The following KLHDC7B variants were observed in gnomAD, a reference collection of about 807,000 sequenced individuals.
KLHDC7B encodes the protein kelch domain-containing protein 7B.
KLHDC7B carries 1 observed loss-of-function variant against 0.6 expected under a neutral mutation model. The observed-to-expected ratio is 1.71, with a 90% CI of 0.61 to 8.11. The LOEUF is 8.11. Ranked by LOEUF, KLHDC7B falls within the 30% of genes most tolerant of loss-of-function variation. KLHDC7B has a pLI of 0.13. For synonymous variants in KLHDC7B, 462 were observed against 405.2 expected (o/e 1.14, Z -1.68); for missense variants, 993 against 894.9 (o/e 1.11, Z -1.40).
chr22:50,547,519 C>A lies in KLHDC7B; in HGVS notation c.1276C>A (p.Pro426Thr), dbSNP rs2069745075. ...RPRSASPPAA[P>T]GPGFPPEALT... Reference sequence around the variant, plus strand: ...GCGCTCCGCCTCCCCGCCCGCAGCTCCCGGCCCGGGGTTCCCACCTGAAGC... The same window carrying A: ...GCGCTCCGCCTCCCCGCCCGCAGCTACCGGCCCGGGGTTCCCACCTGAAGC... The change falls in exon 1 of 1, where the codon CCC becomes ACC. Residue 426 changes from proline (P) to threonine (T), a missense_variant. Pro to Thr is a conservative substitution (Grantham distance 38). Coordinates refer to ENST00000648057, the MANE Select transcript of KLHDC7B (RefSeq NM_138433.5). 15 of 397,980 alleles carry A rather than the reference C, an allele frequency of 3.8e-5. No individual in the cohort carries two copies. The highest frequency in any genetic ancestry group is 4.4e-6 in the Non-Finnish European group (1 of 225,764). The allele number at this position is 397,980 out of a possible 1,614,324, so 24.7% of individuals were successfully genotyped here. A position where few individuals can be genotyped will look rare whatever the true frequency, so the allele number is the denominator to read the frequency against.
rs12166676 is a variant in KLHDC7B at position 50,546,032 on chromosome 22, G to T, written c.-212G>T. Among the ~76,000 whole-genome samples, 11 of 152,116 alleles carry T rather than the reference G, an allele frequency of 7.2e-5. No homozygotes were observed. The highest frequency in any genetic ancestry group is 2.1e-4 in the South Asian group (1 of 4,828). ...ACCCTGGGCTCCTATCCTGCCATAAGCCTCGCTGTCTCCTGATATCTGCAG... is the reference window on the plus strand; with the variant it reads ...ACCCTGGGCTCCTATCCTGCCATAATCCTCGCTGTCTCCTGATATCTGCAG... On this transcript the variant is annotated 5_prime_UTR_variant, in exon 1 of 1. Coordinates refer to ENST00000648057, the MANE Select transcript of KLHDC7B (RefSeq NM_138433.5).
Position 50,549,624 on chromosome 22 carries a change from C to A in KLHDC7B, c.3381C>A (p.Ser1127Arg), listed in dbSNP as rs763221894. Residue 1127 changes from serine to arginine, a missense_variant, in exon 1 of 1, where the codon AGC becomes AGA. Transcript: ENST00000648057. Reference sequence around the variant, plus strand: ...ACAGTGCCAGCCACCGGCGTTCCAGCGACATCGTGGCACTGGGGGGCTTCC... The same window carrying A: ...ACAGTGCCAGCCACCGGCGTTCCAGAGACATCGTGGCACTGGGGGGCTTCC... ...CPYSASHRRS[S>R]DIVALGGFLY... 5.7e-5 allele frequency: 89 copies of A among 1,556,710 alleles called. No homozygotes were observed. Among genetic ancestry groups the A allele is most frequent in the Non-Finnish European group, 7.5e-5 (86 of 1,148,118 alleles).
At position 50,550,200 on chromosome 22, in the gene KLHDC7B, C is replaced by G. The variant is rs2069792283; in HGVS notation, c.*249C>G. 6.5e-6 allele frequency: 3 copies of G among 464,784 alleles called. No individual in the cohort carries two copies. The East Asian group carries it at 1.0e-4, about 16-fold the overall frequency. 28.8% of individuals were successfully genotyped at this position (464,784 alleles called of 1,614,324 possible). A position where few individuals can be genotyped will look rare whatever the true frequency, so the allele number is the denominator to read the frequency against. ...AATTCCGTACCTACTTACAGACCCT[C>G]TCAGCTTGCTGACACCCCCCTGTCT... On this transcript the variant is annotated 3_prime_UTR_variant, in exon 1 of 1. Transcript: ENST00000648057.
In KLHDC7B at chr22:50,549,879, G is replaced by A. The variant is rs1256095130; in HGVS notation, c.3636G>A (p.Leu1212=). Residue 1212 remains leucine, a synonymous_variant, in exon 1 of 1, where the codon TTG becomes TTA. Transcript: ENST00000648057. ...CCAAGGAGCTGCAGCCCTTCCCCTT[G>A]GGGAGCACCGGGGTCCTCAGTCCAT... The part of the protein sequence containing the change: ...FQAKELQPFP[L]GSTGVLSPFI... 1.9e-6 allele frequency: 3 copies of A among 1,587,020 alleles called. No homozygotes were observed. The highest frequency in any genetic ancestry group is 2.3e-5 in the East Asian group (1 of 43,602).
At position 50,549,004 on chromosome 22, in the gene KLHDC7B, C is replaced by A; in HGVS notation, c.2761C>A (p.Arg921=). 1 of 1,596,550 alleles carries A rather than the reference C, an allele frequency of 6.3e-7. No homozygotes were observed. Among genetic ancestry groups the A allele is most frequent in the Non-Finnish European group, 8.5e-7 (1 of 1,175,418 alleles). Residue 921 remains arginine (R), a synonymous_variant, in exon 1 of 1, where the codon CGG becomes AGG. Coordinates refer to ENST00000648057, the MANE Select transcript of KLHDC7B (RefSeq NM_138433.5). ...RILSLRTGRG[R]AVLGVLVLPS... ...CCTCAGCCTGCGGACCGGCCGGGGCCGGGCGGTGCTGGGCGTCCTCGTACT... is the reference window on the plus strand; with the variant it reads ...CCTCAGCCTGCGGACCGGCCGGGGCAGGGCGGTGCTGGGCGTCCTCGTACT...
In KLHDC7B at chr22:50,548,235, C is replaced by T. The variant is rs1275858348; in HGVS notation, c.1992C>T (p.Pro664=). 9 of 1,550,476 alleles carry T rather than the reference C, an allele frequency of 5.8e-6. No individual in the cohort carries two copies. The highest frequency in any genetic ancestry group is 1.7e-4 in the Middle Eastern group (1 of 6,012). ...RPQGSVPRAV[P]GSPVGPSTST... Reference sequence around the variant, plus strand: ...AAGGGAGTGTCCCGAGGGCGGTTCCCGGGAGCCCCGTGGGTCCCAGCACTT... The same window carrying T: ...AAGGGAGTGTCCCGAGGGCGGTTCCTGGGAGCCCCGTGGGTCCCAGCACTT... Residue 664 remains proline (P), a synonymous_variant, in exon 1 of 1, where the codon CCC becomes CCT. Transcript: ENST00000648057. The surrounding 1 kb of genome is among the most constrained non-coding windows in gnomAD (Gnocchi z 5.3).
Position 50,549,444 on chromosome 22 carries a change from C to T in KLHDC7B, c.3201C>T (p.Asp1067=), listed in dbSNP as rs1363952525. ...YSMECYDPRT[D]AWTPRAPLPA... ...TGGAGTGCTACGACCCGCGAACAGA[C>T]GCCTGGACCCCACGCGCGCCACTCC... is the stretch of plus-strand genomic sequence containing the variant. The change falls in exon 1 of 1, where the codon GAC becomes GAT. Residue 1067 remains aspartate (D), a synonymous_variant. Transcript: ENST00000648057. The T allele has an allele frequency of 1.1e-5, 17 of 1,612,606 alleles. No homozygotes were observed. The highest frequency in any genetic ancestry group is 4.5e-5 in the East Asian group (2 of 44,882).
Position 50,548,809 on chromosome 22 carries a change from C to A in KLHDC7B, c.2566C>A (p.Arg856=), listed in dbSNP as rs773876397. The stretch of plus-strand genomic sequence containing the variant: ...GGAGCCCGCCACGGCGGCAGCCCTG[C>A]GGCGGCGGCTGGACCTGGGCAGTTG... ...ALEPATAAAL[R]RRLDLGSCLD... The change falls in exon 1 of 1, where the codon CGG becomes AGG. Residue 856 remains arginine, a synonymous_variant. Transcript: ENST00000648057. This position sits in a 1 kb window ranked among gnomAD's most constrained non-coding sequence, Gnocchi z 5.3. 4.4e-5 allele frequency: 65 copies of A among 1,480,496 alleles called. No individual in the cohort carries two copies. The African/African-American group carries it at 6.6e-4, about 15-fold the overall frequency. The allele number at this position is 1,480,496 out of a possible 1,614,324, so 91.7% of individuals were successfully genotyped here.
chr22:50,549,950 G>T lies in KLHDC7B; in HGVS notation c.3707G>T (p.Ter1236LeuextTer54). 6 of 1,546,826 alleles carry T rather than the reference G, an allele frequency of 3.9e-6. No homozygotes were observed. The highest frequency in any genetic ancestry group is 5.3e-6 in the Non-Finnish European group (6 of 1,140,246). ...GAGGACCGGCTGCAGACCTCACTCT[G>T]AGTGGCAGGCAGAGAACCAAAGCTG... ...PPEDRLQTSL[*>L] The change falls in exon 1 of 1, where the codon TGA becomes TTA. Residue 1236 changes from the stop codon to leucine, a stop_lost. Coordinates refer to ENST00000648057, the MANE Select transcript of KLHDC7B (RefSeq NM_138433.5).
In KLHDC7B at chr22:50,548,491, G is replaced by A. The variant is rs779377867; in HGVS notation, c.2248G>A (p.Ala750Thr). 58 of 1,566,758 alleles carry A rather than the reference G, an allele frequency of 3.7e-5. No individual in the cohort carries two copies. The highest frequency in any genetic ancestry group is 4.7e-5 in the South Asian group (4 of 85,780). Residue 750 changes from alanine (A) to threonine (T), a missense_variant, in exon 1 of 1, where the codon GCG (alanine) becomes ACG (threonine). Coordinates refer to ENST00000648057, the MANE Select transcript of KLHDC7B (RefSeq NM_138433.5). This position sits in a 1 kb window ranked among gnomAD's most constrained non-coding sequence, Gnocchi z 5.3. ...AMPRGPAQPP[A>T]QRPPGPAASS... ...GCCCAGGGGCCCCGCACAGCCCCCC[G>A]CGCAGAGGCCGCCTGGCCCCGCGGC... is the stretch of plus-strand genomic sequence containing the variant.
At position 50,549,809 on chromosome 22, in the gene KLHDC7B, T is replaced by G; in HGVS notation, c.3566T>G (p.Val1189Gly). The G allele has an allele frequency of 3.2e-6, 5 of 1,579,248 alleles. 1 individual carries two copies. The South Asian group carries it at 4.5e-5, about 14-fold the overall frequency. ...ACCATTTACTGCCTCAACCCCCAGG[T>G]CACTGCCACCTTCACGGTCTCTGGG... ...GNTIYCLNPQ[V>G]TATFTVSGGT... Residue 1189 changes from valine (V) to glycine (G), a missense_variant, in exon 1 of 1, where the codon GTC becomes GGC. Val to Gly is a moderately radical substitution (Grantham distance 109, BLOSUM62 -3). Transcript: ENST00000648057.
chr22:50,549,727 G>T lies in KLHDC7B; in HGVS notation c.3484G>T (p.Ala1162Ser), dbSNP rs1166776571. The T allele has an allele frequency of 8.8e-6, 14 of 1,589,942 alleles. No homozygotes were observed. Among genetic ancestry groups the T allele is most frequent in the Non-Finnish European group, 1.2e-5 (14 of 1,169,936 alleles). ...CACAGTGACCGGCTCCTGGAGCAGGGCTGCCTCCCTGCCCCTGCCCGCCCC... is the reference window on the plus strand; with the variant it reads ...CACAGTGACCGGCTCCTGGAGCAGGTCTGCCTCCCTGCCCCTGCCCGCCCC... The part of the protein sequence containing the change: ...YNTVTGSWSR[A>S]ASLPLPAPAP... Residue 1162 changes from alanine to serine, a missense_variant, in exon 1 of 1, where the codon GCT becomes TCT. By Grantham distance (99) the Ala-to-Ser change is moderately conservative. Transcript: ENST00000648057.
Position 50,550,055 on chromosome 22 carries a change from CCTGCTCTTGTT to C in KLHDC7B, c.*105_*115del. The C allele has an allele frequency of 1.6e-6, 2 of 1,215,174 alleles. No homozygotes were observed. Among genetic ancestry groups the C allele is most frequent in the South Asian group, 3.4e-5 (2 of 58,652 alleles). The allele number at this position is 1,215,174 out of a possible 1,614,324, so 75.3% of individuals were successfully genotyped here. On this transcript the variant is annotated 3_prime_UTR_variant, in exon 1 of 1. Transcript: ENST00000648057. ...AGGGAAGGGGCTGGGATCGGAACTT[CCTGCTCTTGTT>C]TCTGGACAACTTTCCCCTTCTGCTT...
In KLHDC7B at chr22:50,545,984, G is replaced by C. The variant is rs1237081275; in HGVS notation, c.-260G>C. Among the ~76,000 whole-genome samples, 1 of 120,636 alleles carries C rather than the reference G, an allele frequency of 8.3e-6. No homozygotes were observed. The highest frequency in any genetic ancestry group is 1.9e-5 in the Non-Finnish European group (1 of 51,644). The allele number at this position is 120,636 out of a possible 152,430, so 79.1% of individuals were successfully genotyped here. ...GCCTACGAGGAGGAGAAGAGGGCAG[G>C]AGCTGGTGGGGTGCTTGCAGAGACC... On this transcript the variant is annotated 5_prime_UTR_variant, in exon 1 of 1. Transcript: ENST00000648057.
In KLHDC7B at chr22:50,549,674, G is replaced by T. The variant is rs768388847; in HGVS notation, c.3431G>T (p.Gly1144Val). The T allele has an allele frequency of 6.4e-7, 1 of 1,554,652 alleles. No homozygotes were observed. The highest frequency in any genetic ancestry group is 1.4e-5 in the African/African-American group (1 of 73,864). ...CTGTACCGCTTCGACCTGCTGCGGG[G>T]CGTGGGCGCCGCCGTGATGCGCTAC... is the stretch of plus-strand genomic sequence containing the variant. ...GFLYRFDLLR[G>V]VGAAVMRYNT... The change falls in exon 1 of 1, where the codon GGC (glycine) becomes GTC (valine). Residue 1144 changes from glycine (G) to valine (V), a missense_variant. By Grantham distance (109) the Gly-to-Val change is moderately radical (BLOSUM62 -3). Transcript: ENST00000648057.
Position 50,548,379 on chromosome 22 carries a change from C to G in KLHDC7B, c.2136C>G (p.Asn712Lys). The G allele has an allele frequency of 6.4e-7, 1 of 1,552,608 alleles. No homozygotes were observed. The highest frequency in any genetic ancestry group is 1.2e-5 in the South Asian group (1 of 84,164). Residue 712 changes from asparagine to lysine, a missense_variant, in exon 1 of 1, where the codon AAC (asparagine) becomes AAG (lysine). By Grantham distance (94) the Asn-to-Lys change is moderately conservative. Transcript: ENST00000648057. The surrounding 1 kb of genome is among the most constrained non-coding windows in gnomAD (Gnocchi z 5.3). ...CACAGCCAAGAAGCTCCGAGACCAA[C>G]GGATCGCCCAGCCCAGACCCTCCCC... ...GQPQPRSSET[N>K]GSPSPDPPPG...
Position 50,547,680 on chromosome 22 carries a change from C to A in KLHDC7B, c.1437C>A (p.Val479=). Residue 479 remains valine, a synonymous_variant, in exon 1 of 1, where the codon GTC becomes GTA. Transcript: ENST00000648057. ...AQVLTSAPAS[V]LAPALASSPS... is the part of the protein sequence containing the mutation. ...TCTTAACTTCAGCTCCAGCCTCAGT[C>A]CTAGCCCCAGCCCTGGCTTCATCCC... 2.3e-6 allele frequency: 1 copy of A among 440,618 alleles called. No homozygotes were observed. The highest frequency in any genetic ancestry group is 4.0e-5 in the Admixed American group (1 of 24,872). 27.3% of individuals were successfully genotyped at this position (440,618 alleles called of 1,614,324 possible). A position where few individuals can be genotyped will look rare whatever the true frequency, so the allele number is the denominator to read the frequency against.
chr22:50,548,881 GC>G lies in KLHDC7B; in HGVS notation c.716del (p.Ala239GlyfsTer7), dbSNP rs1159075772. 6.4e-7 allele frequency: 1 copy of G among 1,572,012 alleles called. No homozygotes were observed. The highest frequency in any genetic ancestry group is 1.8e-5 in the Admixed American group (1 of 54,292). On this transcript the variant is annotated frameshift_variant, in exon 1 of 1. Coordinates refer to the KLHDC7B transcript ENST00000395676. LOFTEE classifies it low-confidence loss of function (END_TRUNC). The surrounding 1 kb of genome is among the most constrained non-coding windows in gnomAD (Gnocchi z 5.3). Reference sequence around the variant, plus strand: ...CCAGCAGCACGGAGAGCCCGGCCTGGCGCAGGAGACCTACGCGCTGATGAGC... The same window carrying G: ...CCAGCAGCACGGAGAGCCCGGCCTGGGCAGGAGACCTACGCGCTGATGAGC...
In KLHDC7B at chr22:50,549,798, C is replaced by A. The variant is rs755761389; in HGVS notation, c.3555C>A (p.Leu1185=). 8 of 1,596,914 alleles carry A rather than the reference C, an allele frequency of 5.0e-6. No individual in the cohort carries two copies. The highest frequency in any genetic ancestry group is 6.8e-6 in the Non-Finnish European group (8 of 1,173,674). ...CCCTGGGCAACACCATTTACTGCCT[C>A]AACCCCCAGGTCACTGCCACCTTCA... ...CTTLGNTIYC[L]NPQVTATFTV... is the part of the protein sequence containing the mutation. Residue 1185 remains leucine, a synonymous_variant, in exon 1 of 1, where the codon CTC becomes CTA. Coordinates refer to ENST00000648057, the MANE Select transcript of KLHDC7B (RefSeq NM_138433.5).
Sources: allele counts gnomAD v4.1 joint callset (sites outside exome capture counted in the v4.1 genomes callset), GRCh38; gene constraint gnomAD v4.1.1; non-coding constraint Gnocchi (gnomAD v3.1); transcripts MANE v1.5; gene names NCBI Gene and HGNC (gene_info 2026-07-23, HGNC 2026-07-21).